FHOD3: variants seen among roughly 807,000 people sequenced by gnomAD.
FHOD3 encodes the protein formin homology 2 domain containing 3.
Under a neutral mutation model 173.0 loss-of-function variants are expected in FHOD3, and 90 were observed. That is an observed-to-expected ratio of 0.52 (90% CI 0.44 to 0.62). The LOEUF is 0.62. FHOD3 is among the 20% of genes least tolerant of loss of function. The pLI is 0.00. For missense variants in FHOD3, 1,945 were observed against 2,034.7 expected, an observed-to-expected ratio of 0.96 and a Z score of 0.85; for synonymous variants, 828 against 823.0, an observed-to-expected ratio of 1.01 and a Z score of -0.10.
intron 5 of FHOD3, among the ~76,000 whole-genome samples, chr18:36,570,070 T>C (rs2147864722): frequency 6.6e-6 from 1 of 151,498 alleles, no homozygotes; most frequent in African/African-American, 2.4e-5. Flanking sequence ...TTGATGAAGT[T>C]GAAAGCGGAG....
chr18:36,367,947 G>T (rs185082455), intron 2 of FHOD3, among the ~76,000 whole-genome samples: 6 of 151,284 alleles, frequency 4.0e-5, no homozygotes, highest in Admixed American at 3.9e-4. Flanking sequence ...ACCTTGTGAA[G>T]AAGGTGCTGC....
chr18:36,553,898 A>C (rs1218635801), intron 5 of FHOD3, among the ~76,000 whole-genome samples: 1 of 152,228 alleles, frequency 6.6e-6, no homozygotes, highest in Non-Finnish European at 1.5e-5. Flanking sequence ...GCTTATCATC[A>C]CTGGCCATCA....
At chr18:36,557,838 T>G (rs960190968) in intron 5 of FHOD3, among the ~76,000 whole-genome samples, 2 of 152,250 alleles carry the variant, frequency 1.3e-5, no homozygotes, top group East Asian at 3.8e-4. Flanking sequence ...GTCACATTTG[T>G]TCTAAGGCCC....
rs550375405 is a variant in FHOD3, at chr18:36,639,439, A to G, written c.1197-9877A>G. On this transcript the variant is annotated intron_variant, in intron 10 of 28. Coordinates refer to ENST00000590592, the MANE Select transcript of FHOD3 (RefSeq NM_001281740.3). ...TGTAATCCCAGCAATTTGGGAGGCC[A>G]AGGCGGGCGGATCACGAGGTCAGGA... Among the ~76,000 whole-genome samples the G allele has an allele frequency of 4.6e-5, 7 of 152,182 alleles. No individual in the cohort carries two copies. The East Asian group carries it at 1.2e-3, about 25-fold the overall frequency.
rs1198142796 is a variant in FHOD3 at position 36,482,856 on chromosome 18, C to CAG, written c.338-19075_338-19074insGA. Among the ~76,000 whole-genome samples, 5 of 64,130 alleles carry CAG rather than the reference C, an allele frequency of 7.8e-5. No homozygotes were observed. In the East Asian group the frequency reaches 1.7e-3, roughly 21 times the overall value. 42.1% of individuals were successfully genotyped at this position (64,130 alleles called of 152,430 possible). On this transcript the variant is annotated intron_variant, in intron 3 of 28. Coordinates refer to ENST00000590592, the MANE Select transcript of FHOD3 (RefSeq NM_001281740.3). ...ACACACACACACACACTCACACACA[C>CAG]ACAGAGAGAGAGAGAGAGAGAGAGA...
chr18:36,514,246 T>A (rs761667986), intron 5 of FHOD3, among the ~76,000 whole-genome samples: 12 of 152,226 alleles, frequency 7.9e-5, no homozygotes, highest in Non-Finnish European at 1.5e-4. Context: ...CCTGACCTCA[T>A]GATCCGCCGG....
intron 10 of FHOD3, among the ~76,000 whole-genome samples, chr18:36,648,383 G>A (rs2035828904): frequency 6.6e-6 from 1 of 152,204 alleles, no homozygotes; most frequent in South Asian, 2.1e-4. Flanking sequence ...GACCACATAA[G>A]TCGGTTGTTG....
At position 36,647,989 on chromosome 18, in the gene FHOD3, A is replaced by G. The variant is rs192071269; in HGVS notation, c.1197-1327A>G. ...TTGTGTACTTTTCTGTATGTATTTT[A>G]TATGTTGGTTAAAAAGGAAAAAACA... is the stretch of plus-strand genomic sequence containing the variant. On this transcript the variant is annotated intron_variant, in intron 10 of 28. Coordinates refer to ENST00000590592, the MANE Select transcript of FHOD3 (RefSeq NM_001281740.3). Among the ~76,000 whole-genome samples the G allele has an allele frequency of 1.7e-4, 26 of 152,064 alleles. 1 individual carries two copies. The highest frequency in any genetic ancestry group is 1.5e-3 in the Admixed American group (23 of 15,288).
intron 10 of FHOD3, among the ~76,000 whole-genome samples, chr18:36,645,562 A>T (rs928931996): frequency 6.6e-6 from 1 of 152,156 alleles, no homozygotes; most frequent in African/African-American, 2.4e-5. Context: ...TCTTAGTTAC[A>T]TAATTCTCAA....
intron 11 of FHOD3, among the ~76,000 whole-genome samples, 197 bp from the exon 12 acceptor site, chr18:36,652,373 A>G (rs564745860): frequency 1.3e-5 from 2 of 152,364 alleles, no homozygotes; most frequent in South Asian, 4.1e-4. Flanking sequence ...CAAACTCAGC[A>G]TGTCAGGATT....
intron 6 of FHOD3, among the ~76,000 whole-genome samples, chr18:36,593,136 CAGTT>C (rs1199790954): frequency 6.6e-6 from 1 of 152,118 alleles, no homozygotes; most frequent in African/African-American, 2.4e-5. Flanking sequence ...TTGGAGAGAG[CAGTT>C]AGTTGTCACA....
At chr18:36,604,567 G>A (rs2031844866) in intron 8 of FHOD3, among the ~76,000 whole-genome samples, 2 of 151,976 alleles carry the variant, frequency 1.3e-5, no homozygotes, top group Admixed American at 6.6e-5. Context: ...TTGTTAAATG[G>A]AAGTAAACAA....
intron 10 of FHOD3, among the ~76,000 whole-genome samples, chr18:36,638,885 C>T (rs1460883342): frequency 6.6e-6 from 1 of 152,164 alleles, no homozygotes; most frequent in African/African-American, 2.4e-5. Context: ...GTGGTCTCTT[C>T]CCATAAGTGA....
At chr18:36,432,072 C>T (rs370425600) in intron 3 of FHOD3, among the ~76,000 whole-genome samples, 14 of 152,146 alleles carry the variant, frequency 9.2e-5, no homozygotes, top group African/African-American at 3.1e-4. Context: ...CTTTGTTTGA[C>T]CAAGCTAGCG....
intron 3 of FHOD3, among the ~76,000 whole-genome samples, chr18:36,436,399 C>A (rs2050812866): frequency 6.6e-6 from 1 of 152,016 alleles, no homozygotes; most frequent in African/African-American, 2.4e-5. Context: ...ATTAGACAAC[C>A]AGATTTGCTT....
At chr18:36,631,627 G>A (rs1261451714) in intron 10 of FHOD3, among the ~76,000 whole-genome samples, 1 of 152,172 alleles carries the variant, frequency 6.6e-6, no homozygotes, top group African/African-American at 2.4e-5. Flanking sequence ...TATAGGTACT[G>A]TAATTAATGC....
chr18:36,298,706 C>G (rs537787997), intron 1 of FHOD3, among the ~76,000 whole-genome samples: 1 of 151,294 alleles, frequency 6.6e-6, no homozygotes, highest in Non-Finnish European at 1.5e-5. Context: ...GCTTGGCAGC[C>G]CGAAATGAGT....
At chr18:36,461,212 C>T (rs1358877756) in intron 3 of FHOD3, among the ~76,000 whole-genome samples, 1 of 152,186 alleles carries the variant, frequency 6.6e-6, no homozygotes, top group Non-Finnish European at 1.5e-5. Context: ...GCCACTGCTT[C>T]TGAGAAAGGC....
chr18:36,353,651 A>G (rs1378217230), intron 1 of FHOD3, among the ~76,000 whole-genome samples: 1 of 152,224 alleles, frequency 6.6e-6, no homozygotes, highest in Non-Finnish European at 1.5e-5. Context: ...GCATGAGGGT[A>G]TAAGTTTAGA....
Sources: allele counts gnomAD v4.1 joint callset (sites outside exome capture counted in the v4.1 genomes callset), GRCh38; gene constraint gnomAD v4.1.1; transcripts MANE v1.5; gene names NCBI Gene and HGNC (gene_info 2026-07-23, HGNC 2026-07-21).